The following TEX35 variants were observed in gnomAD, a reference collection of about 807,000 sequenced individuals.
TEX35 encodes testis expressed 35, also known as testis-expressed protein 35.
In TEX35, 26 loss-of-function variants were observed where a neutral mutation model predicts 31.9. The observed-to-expected ratio is 0.81, with a 90% CI of 0.60 to 1.13. The LOEUF (loss-of-function observed/expected upper bound fraction) is 1.13, where lower values mean the gene tolerates loss of function less well. Ranked by LOEUF, TEX35 falls within the 50% of genes most tolerant of loss-of-function variation. TEX35 has a pLI of 0.00. For synonymous variants in TEX35, 87 were observed against 90.7 expected, an observed-to-expected ratio of 0.96 and a Z score of 0.23; for missense variants, 278 against 273.5, an observed-to-expected ratio of 1.02 and a Z score of -0.12.
intron 2 of TEX35, among the ~76,000 whole-genome samples, chr1:178,514,380 C>A (rs1649994667): frequency 6.6e-6 from 1 of 152,088 alleles, no homozygotes; most frequent in South Asian, 2.1e-4. Flanking sequence ...AGCTGAAGGA[C>A]AAGACTCTGG....
chr1:178,522,731 T>C, downstream of TEX35: 3 of 975,406 alleles, frequency 3.1e-6, no homozygotes, highest in Non-Finnish European at 3.8e-6. Flanking sequence ...CATGAGATGT[T>C]TTGACAAAGT....
intron 7 of TEX35, 138 bp downstream of exon 7, chr1:178,521,012 C>T (rs1650258476): frequency 1.9e-6 from 3 of 1,539,274 alleles, no homozygotes; most frequent in African/African-American, 1.4e-5. Flanking sequence ...CCGCCCGAGC[C>T]TGCGCCCTCC....
In TEX35 at chr1:178,520,485, C is replaced by T. The variant is rs578184505; in HGVS notation, c.341+49C>T. The T allele has an allele frequency of 2.0e-5, 33 of 1,614,006 alleles. No individual in the cohort carries two copies. In the South Asian group the frequency reaches 3.6e-4, roughly 18 times the overall value. Reference sequence around the variant, plus strand: ...CTCCTCATCCCTAAAGGGTCTCCTCCCTTCCCTTTGTTGGATCCCTTTGGG... The same window carrying T: ...CTCCTCATCCCTAAAGGGTCTCCTCTCTTCCCTTTGTTGGATCCCTTTGGG... On this transcript the variant is annotated intron_variant, in intron 6 of 8. Transcript: ENST00000319416.
intron 5 of TEX35, among the ~76,000 whole-genome samples, chr1:178,517,657 C>T (rs552670137): frequency 6.6e-6 from 1 of 152,276 alleles, no homozygotes; most frequent in South Asian, 2.1e-4. Flanking sequence ...TTGAGAATCA[C>T]AGCTCTATAG....
chr1:178,522,328 A>G lies in TEX35; in HGVS notation c.590A>G (p.Asn197Ser). Reference sequence around the variant, plus strand: ...CTCCCTCCCTCCACCCCCAAAGGGAACATTCCTTCAGAGGCCTCAGGCCTT... The same window carrying G: ...CTCCCTCCCTCCACCCCCAAAGGGAGCATTCCTTCAGAGGCCTCAGGCCTT... ...CALKNNYNRG[N>S]IPSEASGLYK... Residue 197 changes from asparagine (N) to serine (S), a missense_variant, in exon 9 of 9, where the codon AAC becomes AGC. By Grantham distance (46) the Asn-to-Ser change is conservative. Coordinates refer to ENST00000319416, the MANE Select transcript of TEX35 (RefSeq NM_032126.5). 1 of 1,596,298 alleles carries G rather than the reference A, an allele frequency of 6.3e-7. No homozygotes were observed. The highest frequency in any genetic ancestry group is 1.1e-5 in the South Asian group (1 of 87,790).
At chr1:178,520,916 C>A (rs374545685) in intron 7 of TEX35, 42 bp downstream of exon 7, 667 of 1,609,178 alleles carry the variant, frequency 4.1e-4, no homozygotes, top group Non-Finnish European at 5.4e-4. Flanking sequence ...GTGCCAGACC[C>A]CTGGCTCCGG....
At chr1:178,520,317 G>A (rs1650218147) in intron 5 of TEX35, 55 bp from the exon 6 acceptor site, 2 of 1,547,528 alleles carry the variant, frequency 1.3e-6, no homozygotes, top group East Asian at 4.5e-5. Flanking sequence ...GCAGGAGGAA[G>A]GTATTTCCAA....
At chr1:178,515,829 C>T in intron 3 of TEX35, 30 bp from the exon 4 acceptor site, 1 of 1,584,218 alleles carries the variant, frequency 6.3e-7, no homozygotes, top group Non-Finnish European at 8.6e-7. Context: ...TATTTCTTTC[C>T]TCCTTCTCTT....
Position 178,521,594 on chromosome 1 carries a change from AC to A in TEX35, c.586+333del, listed in dbSNP as rs1650279948. ...CACACCAGGTCTGGGCACCCTTTTCACCCTTGGCTTCTGGAGCTGCCTTCTG... is the reference window on the plus strand; with the variant it reads ...CACACCAGGTCTGGGCACCCTTTTCACCTTGGCTTCTGGAGCTGCCTTCTG... On this transcript the variant is annotated intron_variant, in intron 8 of 8. Coordinates refer to ENST00000319416, the MANE Select transcript of TEX35 (RefSeq NM_032126.5). 3.2e-6 allele frequency: 5 copies of A among 1,546,124 alleles called. No individual in the cohort carries two copies. In the South Asian group the frequency reaches 6.0e-5, roughly 18 times the overall value.
chr1:178,515,855 T>C lies in TEX35; in HGVS notation c.160-4T>C, dbSNP rs1455162933. 3 of 1,610,048 alleles carry C rather than the reference T, an allele frequency of 1.9e-6. No individual in the cohort carries two copies. Among genetic ancestry groups the C allele is most frequent in the South Asian group, 1.1e-5 (1 of 90,376 alleles). ...TCCTTCTCTTCTCCATTTTATTTCC[T>C]CAGAATGAACTCAGGGAAGTGAGAG... On this transcript the variant is annotated splice_polypyrimidine_tract_variant and splice_region_variant and intron_variant, in intron 3 of 8. Transcript: ENST00000319416.
chr1:178,515,930 C>G lies in TEX35; in HGVS notation c.216+15C>G. On this transcript the variant is annotated intron_variant, in intron 4 of 8. Transcript: ENST00000319416. ...AGATAAAACAGGTAAGAAGATGAGG[C>G]CTTCCATATCATGGAGGGAAAGTGT... is the stretch of plus-strand genomic sequence containing the variant. The G allele has an allele frequency of 6.3e-7, 1 of 1,598,298 alleles. No homozygotes were observed. The highest frequency in any genetic ancestry group is 8.6e-7 in the Non-Finnish European group (1 of 1,166,338).
chr1:178,519,742 T>C (rs1313442768), intron 5 of TEX35, among the ~76,000 whole-genome samples: 1 of 152,212 alleles, frequency 6.6e-6, no homozygotes, highest in Non-Finnish European at 1.5e-5. Flanking sequence ...CTGTGACAAA[T>C]ATTGTCAGTT....
At chr1:178,523,190 T>C (rs914256976), downstream of TEX35, 54 of 644,002 alleles carry the variant, frequency 8.4e-5, no homozygotes, top group Non-Finnish European at 9.5e-5. Flanking sequence ...TTTTCCTCAT[T>C]CATCTGTTGA....
At position 178,520,670 on chromosome 1, in the gene TEX35, C is replaced by G; in HGVS notation, c.342-3C>G. The G allele has an allele frequency of 1.2e-6, 2 of 1,613,536 alleles. No individual in the cohort carries two copies. Among genetic ancestry groups the G allele is most frequent in the African/African-American group, 1.3e-5 (1 of 74,978 alleles). On this transcript the variant is annotated splice_region_variant and splice_polypyrimidine_tract_variant and intron_variant, in intron 6 of 8. Coordinates refer to ENST00000319416, the MANE Select transcript of TEX35 (RefSeq NM_032126.5). ...CTGCCCCTCCCTGGCCCTCCTCCCC[C>G]AGTCCCCTTAGAAGAGCACCAAAGG...
intron 8 of TEX35, chr1:178,521,596 C>A: frequency 6.5e-7 from 1 of 1,547,550 alleles, no homozygotes; most frequent in Non-Finnish European, 8.8e-7. Flanking sequence ...CCCTTTTCAC[C>A]CTTGGCTTCT....
At chr1:178,514,789 G>T in intron 3 of TEX35, 21 bp downstream of exon 3, 1 of 1,609,002 alleles carries the variant, frequency 6.2e-7, no homozygotes, top group Non-Finnish European at 8.5e-7. Flanking sequence ...GAACTTGGAG[G>T]CATGTCTATA....
Position 178,520,839 on chromosome 1 carries a change from T to C in TEX35, c.508T>C (p.Ser170Pro). The change falls in exon 7 of 9, where the codon TCA (serine) becomes CCA (proline). Residue 170 changes from serine to proline, a missense_variant. By Grantham distance (74) the Ser-to-Pro change is moderately conservative. Coordinates refer to ENST00000319416, the MANE Select transcript of TEX35 (RefSeq NM_032126.5). ...GGCACCACAAAAAACAAAACAGGGC[T>C]CACTGGATCCCCTTCATCACTGTGG... ...TMAPQKTKQGSLDPLHHCGTC... is the reference protein window; with the variant it reads ...TMAPQKTKQGPLDPLHHCGTC... 6.2e-7 allele frequency: 1 copy of C among 1,614,190 alleles called. No individual in the cohort carries two copies.
chr1:178,514,572 G>A lies in TEX35; in HGVS notation c.91-128G>A, dbSNP rs1558036642. ...ATAGAGGAACCTTCTGCACAGGTGG[G>A]GCCACCAGCTTTCCTCTTGCCTTAG... On this transcript the variant is annotated intron_variant, in intron 2 of 8. Transcript: ENST00000319416. 3.4e-6 allele frequency: 3 copies of A among 876,412 alleles called. No homozygotes were observed. The Admixed American group carries it at 7.0e-5, about 21-fold the overall frequency. The allele number at this position is 876,412 out of a possible 1,614,324, so 54.3% of individuals were successfully genotyped here.
chr1:178,515,433 C>T (rs79138152), intron 3 of TEX35, among the ~76,000 whole-genome samples: 1 of 151,970 alleles, frequency 6.6e-6, no homozygotes, highest in Non-Finnish European at 1.5e-5. Flanking sequence ...TTACAGATCA[C>T]TTATGTTGTG....
Sources: allele counts gnomAD v4.1 joint callset (sites outside exome capture counted in the v4.1 genomes callset), GRCh38; gene constraint gnomAD v4.1.1; transcripts MANE v1.5; gene names NCBI Gene and HGNC (gene_info 2026-07-23, HGNC 2026-07-21).